SLC16A4: variants seen among roughly 807,000 people sequenced by gnomAD.
The protein encoded by SLC16A4 is solute carrier family 16 member 4, also known as probable monocarboxylate transporter 5.
In SLC16A4, 39 loss-of-function variants were observed where a neutral mutation model predicts 47.9. The observed-to-expected ratio is 0.81, with a 90% CI of 0.63 to 1.06. The LOEUF (loss-of-function observed/expected upper bound fraction) is 1.06, where lower values mean the gene tolerates loss of function less well. SLC16A4 is among the 50% of genes least tolerant of loss of function. The pLI, the probability that SLC16A4 is intolerant of heterozygous loss-of-function variation, is 0.00. For missense variants in SLC16A4, 524 were observed against 573.8 expected, an observed-to-expected ratio of 0.91 and a Z score of 0.89; for synonymous variants, 189 against 199.9, an observed-to-expected ratio of 0.95 and a Z score of 0.46.
At position 110,379,342 on chromosome 1, in the gene SLC16A4, A is replaced by G. The variant is rs762856889; in HGVS notation, c.541T>C (p.Phe181Leu). The G allele has an allele frequency of 3.1e-6, 5 of 1,600,766 alleles. No homozygotes were observed. The East Asian group carries it at 9.0e-5, about 29-fold the overall frequency. The change falls in exon 6 of 9, where the codon TTT becomes CTT. Residue 181 changes from phenylalanine to leucine, a missense_variant. Physicochemically the swap from Phe to Leu is conservative, Grantham distance 22. Transcript: ENST00000369779. ...ACCAAATTCAATGCGATAGCTCCAA[A>G]TAATATAAGGGCTCCTAAATAGGGA... ...LYDWTGALIL[F>L]GAIALNLVPS... is the part of the protein sequence containing the mutation.
At chr1:110,384,000 T>C (rs904156540) in intron 2 of SLC16A4, among the ~76,000 whole-genome samples, 1 of 152,196 alleles carries the variant, frequency 6.6e-6, no homozygotes, top group East Asian at 1.9e-4. Context: ...TTCTCAGTTA[T>C]AACTGCAACA....
At chr1:110,378,307 C>T (rs1379791968) in intron 6 of SLC16A4, among the ~76,000 whole-genome samples, 3 of 152,190 alleles carry the variant, frequency 2.0e-5, no homozygotes, top group Non-Finnish European at 4.4e-5. Context: ...ATTCTAAACT[C>T]TACATGCATT....
In SLC16A4 at chr1:110,377,028, T is replaced by TG; in HGVS notation, c.1163dup (p.Phe389IlefsTer28). 1 of 1,613,496 alleles carries TG rather than the reference T, an allele frequency of 6.2e-7. No individual in the cohort carries two copies. Among genetic ancestry groups the TG allele is most frequent in the South Asian group, 1.1e-5 (1 of 91,052 alleles). ...TGGTGTAGGTCATAAGTAGTGGAAA[T>TG]GTGGTGGCTAAAGGAGCAAGCAGGT... On this transcript the variant is annotated frameshift_variant, in exon 7 of 9. Coordinates refer to ENST00000369779, the MANE Select transcript of SLC16A4 (RefSeq NM_004696.3). LOFTEE classifies it high-confidence loss of function.
chr1:110,363,959 T>C (rs764442437), intron 8 of SLC16A4, 66 bp from the exon 9 acceptor site: 78 of 1,539,246 alleles, frequency 5.1e-5, no homozygotes, highest in Non-Finnish European at 6.7e-5. Context: ...CAGCCATGAA[T>C]AGCTCCTCAA....
At chr1:110,364,922 A>G (rs569269436) in intron 8 of SLC16A4, among the ~76,000 whole-genome samples, 15 of 151,144 alleles carry the variant, frequency 9.9e-5, no homozygotes, top group Non-Finnish European at 1.8e-4. Context: ...TTAACTGAGT[A>G]GGTGATAGCA....
intron 8 of SLC16A4, among the ~76,000 whole-genome samples, chr1:110,364,834 G>T (rs1319270033): frequency 6.6e-6 from 1 of 151,850 alleles, no homozygotes; most frequent in Non-Finnish European, 1.5e-5. Flanking sequence ...AAAAGCATAA[G>T]TTGGAGGGTC....
intron 2 of SLC16A4, among the ~76,000 whole-genome samples, chr1:110,383,838 C>G (rs2018431): frequency 0.6 from 59,817 of 99,170 alleles, 16,645 homozygotes; most frequent in African/African-American, 0.66. Flanking sequence ...TTTTTGGAAA[C>G]GGCTGTTAGT....
rs1228966833 is a variant in SLC16A4 at position 110,375,442 on chromosome 1, G to A, written c.1336+16C>T. 2.7e-6 allele frequency: 4 copies of A among 1,461,476 alleles called. No homozygotes were observed. Among genetic ancestry groups the A allele is most frequent in the Admixed American group, 3.4e-5 (2 of 59,494 alleles). 90.5% of individuals were successfully genotyped at this position (1,461,476 alleles called of 1,614,324 possible). The stretch of plus-strand genomic sequence containing the variant: ...ATTGCTATTGAAATTTGTTCAGAAT[G>A]TGGTGAAGGTGTTACCTGCTATAGG... On this transcript the variant is annotated intron_variant, in intron 8 of 8. Coordinates refer to ENST00000369779, the MANE Select transcript of SLC16A4 (RefSeq NM_004696.3).
In SLC16A4 at chr1:110,374,549, G is replaced by A. The variant is rs536579888; in HGVS notation, c.1336+909C>T. Among the ~76,000 whole-genome samples the A allele has an allele frequency of 7.9e-5, 12 of 152,318 alleles. No individual in the cohort carries two copies. The South Asian group carries it at 2.5e-3, about 32-fold the overall frequency. On this transcript the variant is annotated intron_variant, in intron 8 of 8. Coordinates refer to ENST00000369779, the MANE Select transcript of SLC16A4 (RefSeq NM_004696.3). ...AATACATTGAGAACCTGTGGTGTGT[G>A]AGAAACTAAAGTTTAGGTCTGTTCC...
chr1:110,378,827 T>C (rs759996656), intron 6 of SLC16A4, 26 bp downstream of exon 6: 1 of 1,564,100 alleles, frequency 6.4e-7, no homozygotes, highest in Non-Finnish European at 8.6e-7. Flanking sequence ...TCCTTTTGGG[T>C]AGGAGGCTGA....
chr1:110,368,740 C>T (rs1661531716), intron 8 of SLC16A4, among the ~76,000 whole-genome samples: 1 of 151,884 alleles, frequency 6.6e-6, no homozygotes, highest in Non-Finnish European at 1.5e-5. Flanking sequence ...TTTTTACAGT[C>T]AGTTAAAAAG....
intron 8 of SLC16A4, chr1:110,374,891 A>T (rs1195436930): frequency 6.6e-6 from 1 of 152,288 alleles, no homozygotes. Flanking sequence ...TCCATATGGC[A>T]CATCAGAAGA....
intron 2 of SLC16A4, among the ~76,000 whole-genome samples, chr1:110,387,660 T>C (rs1662803579): frequency 6.6e-6 from 1 of 152,166 alleles, no homozygotes; most frequent in Non-Finnish European, 1.5e-5. Context: ...CAGAGGATAA[T>C]GTAGAAAAAG....
chr1:110,375,211 T>A (rs1181525919), intron 8 of SLC16A4: 3 of 348,984 alleles, frequency 8.6e-6, no homozygotes, highest in Non-Finnish European at 1.1e-5. Context: ...CAAGTAGACA[T>A]AGATCCAGTG....
chr1:110,383,001 G>T, intron 2 of SLC16A4, 35 bp from the exon 3 acceptor site: 1 of 1,549,328 alleles, frequency 6.5e-7, no homozygotes, highest in Non-Finnish European at 8.8e-7. Context: ...AACTCAGGTG[G>T]TAAGTGAGCC....
chr1:110,372,750 T>G (rs183905704), intron 8 of SLC16A4: 57 of 152,330 alleles, frequency 3.7e-4, no homozygotes, highest in African/African-American at 1.2e-3. Flanking sequence ...ATAGCTTCCT[T>G]TGACTTTTTT....
At chr1:110,377,227 C>T (rs1251465623) in intron 6 of SLC16A4, 66 bp from the exon 7 acceptor site, 2 of 1,298,678 alleles carry the variant, frequency 1.5e-6, no homozygotes, top group East Asian at 4.6e-5. Context: ...CATACAGCAT[C>T]ATTTCCCAAG....
intron 6 of SLC16A4, 93 bp from the exon 7 acceptor site, chr1:110,377,254 T>C: frequency 9.6e-7 from 1 of 1,037,938 alleles, no homozygotes; most frequent in Non-Finnish European, 1.4e-6. Context: ...GATCTCATCC[T>C]GAGGCCAGGA....
At chr1:110,380,462 G>T (rs963332642) in intron 5 of SLC16A4, among the ~76,000 whole-genome samples, 2 of 152,098 alleles carry the variant, frequency 1.3e-5, no homozygotes, top group African/African-American at 4.8e-5. Flanking sequence ...TTATTCATTT[G>T]TGAAAATTTA....
Sources: allele counts gnomAD v4.1 joint callset (sites outside exome capture counted in the v4.1 genomes callset), GRCh38; gene constraint gnomAD v4.1.1; transcripts MANE v1.5; gene names NCBI Gene and HGNC (gene_info 2026-07-23, HGNC 2026-07-21).